MXD1: variants seen among roughly 807,000 people sequenced by gnomAD.
MXD1 encodes the protein MAX dimerization protein 1.
A neutral mutation model predicts 25.7 loss-of-function variants in MXD1; 9 were observed. That is an observed-to-expected ratio of 0.35 (90% confidence interval 0.21 to 0.61). The LOEUF is 0.61. Ranked by LOEUF, MXD1 falls within the 20% of genes least tolerant of loss-of-function variation. MXD1 has a pLI of 0.75. For missense variants in MXD1, 227 were observed against 292.4 expected (o/e 0.78, Z 1.63); for synonymous variants, 99 against 113.9 (o/e 0.87, Z 0.83).
chr2:69,937,556 C>G (rs1677482658), intron 5 of MXD1, among the ~76,000 whole-genome samples, 162 bp downstream of exon 5: 1 of 152,202 alleles, frequency 6.6e-6, no homozygotes, highest in South Asian at 2.1e-4. Context: ...TTCCTTCTCC[C>G]TGCTAACACT....
At position 69,937,351 on chromosome 2, in the gene MXD1, C is replaced by T; in HGVS notation, c.435C>T (p.Ser145=). Residue 145 remains serine, a synonymous_variant, in exon 5 of 6, where the codon AGC becomes AGT. Transcript: ENST00000264444. ...GCATTGAGAGGATCCGGATGGACAG[C>T]ATCGGCTCCACCGTCTCCTCGGAGC... ...KLGIERIRMD[S]IGSTVSSERS... The T allele has an allele frequency of 6.2e-7, 1 of 1,613,876 alleles. No homozygotes were observed. Among genetic ancestry groups the T allele is most frequent in the Non-Finnish European group, 8.5e-7 (1 of 1,179,928 alleles).
At chr2:69,919,769 T>C (rs760350147) in intron 2 of MXD1, among the ~76,000 whole-genome samples, 1 of 152,226 alleles carries the variant, frequency 6.6e-6, no homozygotes, top group South Asian at 2.1e-4. Flanking sequence ...CTGTTGGCCA[T>C]TGAAGGCAAT....
intron 4 of MXD1, 35 bp from the exon 5 acceptor site, chr2:69,937,200 C>A (rs766798477): frequency 3.1e-6 from 5 of 1,610,632 alleles, no homozygotes; most frequent in Non-Finnish European, 4.2e-6. Context: ...AGAGATCTCC[C>A]TGTGGGGCCC....
In MXD1 at chr2:69,938,495, G is replaced by A. The variant is rs1677514286; in HGVS notation, c.*211G>A. ...TCTCTTTTTCTCGCCATAAAAATTT[G>A]TCTCTGAGAGACTATACATTCCAAT... On this transcript the variant is annotated 3_prime_UTR_variant, in exon 6 of 6. Coordinates refer to ENST00000264444, the MANE Select transcript of MXD1 (RefSeq NM_002357.4). 3.6e-6 allele frequency: 2 copies of A among 552,030 alleles called. No individual in the cohort carries two copies. The highest frequency in any genetic ancestry group is 3.2e-5 in the Admixed American group (1 of 31,008). 34.2% of individuals were successfully genotyped at this position (552,030 alleles called of 1,614,324 possible).
chr2:69,932,693 G>A (rs1173799091), intron 3 of MXD1, among the ~76,000 whole-genome samples: 1 of 152,082 alleles, frequency 6.6e-6, no homozygotes, highest in Non-Finnish European at 1.5e-5. Context: ...CACTTTCTGG[G>A]CAAGACTCCT....
chr2:69,916,013 C>G (rs1410866040), intron 1 of MXD1, 108 bp from the exon 2 acceptor site: 2 of 709,690 alleles, frequency 2.8e-6, no homozygotes, highest in East Asian at 5.5e-5. Flanking sequence ...TTAATTATTT[C>G]CACAATATTC....
At chr2:69,918,907 T>A (rs2104161289) in intron 2 of MXD1, among the ~76,000 whole-genome samples, 1 of 152,352 alleles carries the variant, frequency 6.6e-6, no homozygotes, top group East Asian at 1.9e-4. Flanking sequence ...GTCTCGGAAC[T>A]GATCATTTTT....
At chr2:69,928,115 T>C (rs1276049594) in intron 3 of MXD1, among the ~76,000 whole-genome samples, 1 of 152,202 alleles carries the variant, frequency 6.6e-6, no homozygotes, top group African/African-American at 2.4e-5. Context: ...TCTTACTCTA[T>C]ACTAAATACC....
intron 4 of MXD1, among the ~76,000 whole-genome samples, chr2:69,936,420 C>A (rs946047922): frequency 1.3e-4 from 20 of 152,120 alleles, no homozygotes; most frequent in African/African-American, 4.6e-4. Context: ...CTCTTTGCTA[C>A]CTGAATAGCA....
chr2:69,941,452 T>C lies in MXD1; in HGVS notation c.*3168T>C, dbSNP rs1270107800. ...TGCTAGTTTAGTGATTCAAAATGCA[T>C]CACATTTTTAGGCAGGACCTAGATT... On this transcript the variant is annotated 3_prime_UTR_variant, in exon 6 of 6. Transcript: ENST00000264444. 1 of 152,214 alleles carries C rather than the reference T, an allele frequency of 6.6e-6. No homozygotes were observed. 9.4% of individuals were successfully genotyped at this position (152,214 alleles called of 1,614,324 possible).
At chr2:69,936,376 C>A (rs1677439453) in intron 4 of MXD1, among the ~76,000 whole-genome samples, 1 of 152,096 alleles carries the variant, frequency 6.6e-6, no homozygotes, top group African/African-American at 2.4e-5. Flanking sequence ...ACAGCCCCAG[C>A]ACCTCCTAGG....
intron 3 of MXD1, among the ~76,000 whole-genome samples, chr2:69,923,581 C>CATGT (rs1553378840): frequency 1.5e-4 from 23 of 150,304 alleles, no homozygotes; most frequent in East Asian, 1.4e-3. Context: ...TATGGAATTT[C>CATGT]GTGTGTGTGT....
At chr2:69,929,188 C>G (rs1056312118) in intron 3 of MXD1, among the ~76,000 whole-genome samples, 6 of 152,210 alleles carry the variant, frequency 3.9e-5, no homozygotes, top group African/African-American at 1.4e-4. Context: ...CCACTGCGCC[C>G]GGCCCAGCCT....
chr2:69,923,282 G>C (rs1677106290), intron 3 of MXD1, among the ~76,000 whole-genome samples: 1 of 152,146 alleles, frequency 6.6e-6, no homozygotes, highest in Admixed American at 6.5e-5. Context: ...AGCCATGGCG[G>C]AGAACCATTG....
intron 2 of MXD1, among the ~76,000 whole-genome samples, chr2:69,919,171 A>G (rs1677014042): frequency 6.6e-6 from 1 of 152,214 alleles, no homozygotes. Flanking sequence ...ATTAGTTTAT[A>G]TATTTTCAAA....
intron 3 of MXD1, among the ~76,000 whole-genome samples, chr2:69,929,786 G>C (rs898100871): frequency 6.6e-6 from 1 of 152,032 alleles, no homozygotes; most frequent in Admixed American, 6.6e-5. Context: ...AGGATTTATG[G>C]TGTTATCTCC....
chr2:69,929,185 G>A (rs937807573), intron 3 of MXD1, among the ~76,000 whole-genome samples: 10 of 152,170 alleles, frequency 6.6e-5, no homozygotes, highest in South Asian at 2.1e-4. Context: ...GAGCCACTGC[G>A]CCCGGCCCAG....
intron 3 of MXD1, among the ~76,000 whole-genome samples, chr2:69,929,634 C>T (rs1677240807): frequency 6.6e-6 from 1 of 152,166 alleles, no homozygotes; most frequent in Non-Finnish European, 1.5e-5. Context: ...TCATGGCTGG[C>T]AAGAAGTTAA....
At chr2:69,929,012 A>G (rs1171440616) in intron 3 of MXD1, among the ~76,000 whole-genome samples, 1 of 151,948 alleles carries the variant, frequency 6.6e-6, no homozygotes, top group Non-Finnish European at 1.5e-5. Flanking sequence ...TTGTGCCTCA[A>G]CCTCCTGAGT....
Sources: allele counts gnomAD v4.1 joint callset (sites outside exome capture counted in the v4.1 genomes callset), GRCh38; gene constraint gnomAD v4.1.1; transcripts MANE v1.5; gene names NCBI Gene and HGNC (gene_info 2026-07-23, HGNC 2026-07-21).